Variants in FAM13A observed in about 807,000 individuals in gnomAD.
FAM13A encodes the protein protein FAM13A.
Under a neutral mutation model 129.6 loss-of-function variants are expected in FAM13A, and 76 were observed. The observed-to-expected ratio is 0.59, with a 90% confidence interval of 0.49 to 0.71. The LOEUF is 0.71. FAM13A is among the 30% of genes least tolerant of loss of function. The pLI is 0.00. For missense variants in FAM13A, 1,108 were observed against 1,249.3 expected, an observed-to-expected ratio of 0.89 and a Z score of 1.70; for synonymous variants, 443 against 449.9, an observed-to-expected ratio of 0.98 and a Z score of 0.20.
At chr4:88,949,625 T>G (rs1308373369) in intron 4 of FAM13A, among the ~76,000 whole-genome samples, 2 of 152,154 alleles carry the variant, frequency 1.3e-5, no homozygotes, top group African/African-American at 2.4e-5. Flanking sequence ...GCTGGAAGAT[T>G]TTTTCAAAAG....
intron 7 of FAM13A, among the ~76,000 whole-genome samples, chr4:88,842,320 G>T (rs1028162609): frequency 3.3e-5 from 5 of 152,196 alleles, no homozygotes; most frequent in African/African-American, 1.2e-4. Flanking sequence ...AAACTACTGG[G>T]AAACATTTGA....
chr4:89,029,639 G>T lies in FAM13A; in HGVS notation c.38C>A (p.Ala13Glu). 1 of 1,573,774 alleles carries T rather than the reference G, an allele frequency of 6.4e-7. No homozygotes were observed. ...AGALAICQSKAAVRLKEDMKK... is the reference protein window; with the variant it reads ...AGALAICQSKEAVRLKEDMKK... ...CATGTCTTCTTTCAGCCGAACCGCT[G>T]CTTTACTTTGCTTAAAGGAGCGTAA... Residue 13 changes from alanine to glutamate, a missense_variant, in exon 2 of 24, where the codon GCA becomes GAA. By Grantham distance (107) the Ala-to-Glu change is moderately radical (BLOSUM62 -1). Transcript: ENST00000264344.
At chr4:88,740,126 C>G (rs1194059286) in intron 19 of FAM13A, among the ~76,000 whole-genome samples, 1 of 152,196 alleles carries the variant, frequency 6.6e-6, no homozygotes, top group Non-Finnish European at 1.5e-5. Context: ...GTCCAATTCC[C>G]TCTACCCTGC....
intron 3 of FAM13A, among the ~76,000 whole-genome samples, chr4:89,017,319 T>A (rs1766629839): frequency 6.6e-6 from 1 of 152,196 alleles, no homozygotes; most frequent in South Asian, 2.1e-4. Flanking sequence ...TAACCTCACA[T>A]AACCTAAAGG....
At chr4:88,926,643 C>A (rs976147824) in intron 5 of FAM13A, among the ~76,000 whole-genome samples, 1 of 152,230 alleles carries the variant, frequency 6.6e-6, no homozygotes, top group South Asian at 2.1e-4. Context: ...TACCTATAAT[C>A]GCTCTATAAA....
chr4:88,796,144 T>C (rs559286911), intron 8 of FAM13A, among the ~76,000 whole-genome samples: 2 of 152,014 alleles, frequency 1.3e-5, no homozygotes, highest in African/African-American at 4.8e-5. Flanking sequence ...AATCTTGTGT[T>C]AGGTTACCTC....
At chr4:88,945,810 T>TTATATATATATATAAGTATATATATATTA (rs1327259998) in intron 4 of FAM13A, among the ~76,000 whole-genome samples, 19 of 139,968 alleles carry the variant, frequency 1.4e-4, no homozygotes, top group Non-Finnish European at 2.8e-4. Context: ...TATATATATA[T>TTATATATATATATAAGTATATATATATTA]TATATATATA....
chr4:88,766,536 G>A (rs1174787554), intron 13 of FAM13A, among the ~76,000 whole-genome samples: 1 of 152,152 alleles, frequency 6.6e-6, no homozygotes, highest in South Asian at 2.1e-4. Context: ...CGTGTGTTCA[G>A]GGAGTGGGGA....
intron 6 of FAM13A, among the ~76,000 whole-genome samples, chr4:88,895,311 A>G (rs183177356): frequency 6.6e-5 from 10 of 152,294 alleles, no homozygotes; most frequent in Admixed American, 5.2e-4. Context: ...AAGAAACATA[A>G]AATGTATGCA....
chr4:88,836,091 C>T (rs958981375), intron 7 of FAM13A, among the ~76,000 whole-genome samples: 4 of 151,888 alleles, frequency 2.6e-5, no homozygotes, highest in Non-Finnish European at 4.4e-5. Context: ...AAACACAATC[C>T]CATTGCTTCC....
At chr4:89,052,082 C>A (rs771006751) in intron 1 of FAM13A, among the ~76,000 whole-genome samples, 3 of 152,018 alleles carry the variant, frequency 2.0e-5, no homozygotes, top group Non-Finnish European at 4.4e-5. Context: ...GCACTCTGGG[C>A]ACCGGCAGAG....
intron 6 of FAM13A, among the ~76,000 whole-genome samples, chr4:88,867,776 G>A (rs1269624441): frequency 6.6e-6 from 1 of 152,160 alleles, no homozygotes; most frequent in Non-Finnish European, 1.5e-5. Flanking sequence ...AGGGATATGT[G>A]CACATGTGAT....
chr4:88,749,944 G>T, intron 15 of FAM13A, 35 bp from the exon 16 acceptor site: 1 of 1,609,488 alleles, frequency 6.2e-7, no homozygotes, highest in African/African-American at 1.3e-5. Context: ...GTTTCCCCAG[G>T]AGCAGTCACT....
intron 4 of FAM13A, among the ~76,000 whole-genome samples, chr4:88,974,505 T>G (rs1051294209): frequency 7.2e-5 from 11 of 152,212 alleles, no homozygotes; most frequent in African/African-American, 2.2e-4. Context: ...TGAGACAGAC[T>G]CTCGCTCTGT....
intron 5 of FAM13A, among the ~76,000 whole-genome samples, chr4:88,923,416 G>T (rs1337879465): frequency 6.6e-6 from 1 of 152,178 alleles, no homozygotes; most frequent in African/African-American, 2.4e-5. Context: ...ATCAATAAAT[G>T]TAATCCAGCA....
At chr4:88,976,118 C>T (rs1026037393) in intron 4 of FAM13A, among the ~76,000 whole-genome samples, 2 of 152,124 alleles carry the variant, frequency 1.3e-5, no homozygotes, top group South Asian at 2.1e-4. Flanking sequence ...AGAAAACATG[C>T]GGTTTCATTT....
At chr4:88,730,591 C>T (rs553380863) in intron 23 of FAM13A, among the ~76,000 whole-genome samples, 1 of 152,224 alleles carries the variant, frequency 6.6e-6, no homozygotes, top group Admixed American at 6.5e-5. Flanking sequence ...GGGGTTTCAC[C>T]ATGTTGGTCA....
chr4:89,013,125 C>T (rs1034383768), intron 3 of FAM13A, among the ~76,000 whole-genome samples: 18 of 151,940 alleles, frequency 1.2e-4, no homozygotes, highest in Admixed American at 7.2e-4. Flanking sequence ...TTACCATCCC[C>T]GGCTTCAGGG....
chr4:88,748,537 A>G (rs1204809052), intron 17 of FAM13A, among the ~76,000 whole-genome samples: 1 of 152,116 alleles, frequency 6.6e-6, no homozygotes, highest in African/African-American at 2.4e-5. Flanking sequence ...TTTGTATTCT[A>G]TTTAGTTGTT....
Sources: gnomAD v4.1 joint callset for allele counts (sites outside exome capture counted in the v4.1 genomes callset) on GRCh38, gnomAD v4.1.1 for gene constraint, MANE v1.5 for transcripts, NCBI Gene and HGNC (gene_info 2026-07-23, HGNC 2026-07-21) for gene names.